SPP2: variants seen among roughly 807,000 people sequenced by gnomAD.
The protein encoded by SPP2 is secreted phosphoprotein 2, also known as secreted phosphoprotein 24.
In SPP2, 34 loss-of-function variants were observed where a neutral mutation model predicts 28.8. That is an observed-to-expected ratio of 1.18 (90% CI 0.90 to 1.57). SPP2 has a LOEUF of 1.57. Ranked by LOEUF, SPP2 falls within the 40% of genes most tolerant of loss-of-function variation. The pLI is 0.00. For missense variants in SPP2, 269 were observed against 263.9 expected, an observed-to-expected ratio of 1.02 and a Z score of -0.13; for synonymous variants, 96 against 89.4, an observed-to-expected ratio of 1.07 and a Z score of -0.42.
chr2:234,068,315 G>A (rs1693867756), intron 6 of SPP2, among the ~76,000 whole-genome samples: 1 of 152,184 alleles, frequency 6.6e-6, no homozygotes, highest in Non-Finnish European at 1.5e-5. Flanking sequence ...TGAGCTAACT[G>A]AGGCTTAGTG....
chr2:234,071,990 G>C (rs1043065427), intron 7 of SPP2, among the ~76,000 whole-genome samples: 1 of 152,214 alleles, frequency 6.6e-6, no homozygotes, highest in African/African-American at 2.4e-5. Context: ...CTGACTAACA[G>C]ACTTCCCAAG....
chr2:234,070,805 A>G (rs375540646), intron 7 of SPP2, among the ~76,000 whole-genome samples: 1 of 152,110 alleles, frequency 6.6e-6, no homozygotes, highest in Non-Finnish European at 1.5e-5. Context: ...TGATCTCCTT[A>G]GTTTAATTCT....
Position 234,067,207 on chromosome 2 carries a change from T to C in SPP2, c.500-17T>C. ...CAGTGAGAGGAGTCTTGTCTTATGA[T>C]TATTACTGTGTTACAGGTCTCATTT... On this transcript the variant is annotated splice_polypyrimidine_tract_variant and intron_variant, in intron 5 of 7. Transcript: ENST00000168148. 6.2e-7 allele frequency: 1 copy of C among 1,611,390 alleles called. No homozygotes were observed. Among genetic ancestry groups the C allele is most frequent in the East Asian group, 2.2e-5 (1 of 44,842 alleles).
chr2:234,073,911 C>G (rs930111024), intron 7 of SPP2, among the ~76,000 whole-genome samples: 1 of 152,186 alleles, frequency 6.6e-6, no homozygotes, highest in Non-Finnish European at 1.5e-5. Context: ...AACAAATGTT[C>G]ATTAAATGCC....
At chr2:234,059,100 G>A in intron 3 of SPP2, 142 bp downstream of exon 3, 2 of 989,326 alleles carry the variant, frequency 2.0e-6, no homozygotes, top group South Asian at 4.4e-5. Flanking sequence ...GTGTCCCCTG[G>A]TGGGGGAAGT....
chr2:234,057,112 C>T (rs550754931), intron 2 of SPP2, among the ~76,000 whole-genome samples: 1 of 152,062 alleles, frequency 6.6e-6, no homozygotes, highest in African/African-American at 2.4e-5. Context: ...GGTACTGGAC[C>T]GTGGCAGGCT....
chr2:234,054,717 C>T lies in SPP2; in HGVS notation c.210+3622C>T, dbSNP rs112840899. On this transcript the variant is annotated intron_variant, in intron 2 of 7. Coordinates refer to ENST00000168148, the MANE Select transcript of SPP2 (RefSeq NM_006944.3). ...CATCAGGGATTAGAGTTTCACTATA[C>T]GGATTGGGGCAGGGGGACAAACAGT... 1.4e-4 allele frequency among the ~76,000 whole-genome samples: 21 copies of T among 152,270 alleles called. No homozygotes were observed. The East Asian group carries it at 1.9e-3, about 14-fold the overall frequency.
At chr2:234,062,669 G>C (rs747050880) in intron 4 of SPP2, among the ~76,000 whole-genome samples, 2 of 152,116 alleles carry the variant, frequency 1.3e-5, no homozygotes, top group African/African-American at 4.8e-5. Flanking sequence ...AGGTGAGAGA[G>C]AATGCTAACT....
intron 2 of SPP2, among the ~76,000 whole-genome samples, chr2:234,058,432 G>A (rs929562060): frequency 7.9e-5 from 12 of 152,110 alleles, no homozygotes; most frequent in African/African-American, 2.4e-4. Flanking sequence ...GATTTTTGTC[G>A]TTCTGCATTT....
chr2:234,073,274 C>G (rs561970176), intron 7 of SPP2, among the ~76,000 whole-genome samples: 2 of 152,284 alleles, frequency 1.3e-5, no homozygotes, highest in South Asian at 4.1e-4. Context: ...TATGTCTATA[C>G]AAAATTATTA....
Position 234,069,983 on chromosome 2 carries a change from C to T in SPP2, c.606C>T (p.His202=), listed in dbSNP as rs1386502226. 1 of 1,613,464 alleles carries T rather than the reference C, an allele frequency of 6.2e-7. No homozygotes were observed. Among genetic ancestry groups the T allele is most frequent in the East Asian group, 2.2e-5 (1 of 44,892 alleles). The change falls in exon 7 of 8, where the codon CAC becomes CAT. Residue 202 remains histidine (H), a synonymous_variant. Transcript: ENST00000168148. ...ACAGAAGGTACCCAAACCACCGGCA[C>T]AGAGCAAGAATAAATACTGACTTTG... is the stretch of plus-strand genomic sequence containing the variant. ...PGNRRYPNHR[H]RARINTDFE is the part of the protein sequence containing the mutation.
chr2:234,058,452 T>A lies in SPP2; in HGVS notation c.211-384T>A, dbSNP rs1054882509. ...TTGTCGTTCTGCATTTGTCCCTAGA[T>A]GATTGCCAAAGTAAGTGTTACTAGT... On this transcript the variant is annotated intron_variant, in intron 2 of 7. Coordinates refer to ENST00000168148, the MANE Select transcript of SPP2 (RefSeq NM_006944.3). Among the ~76,000 whole-genome samples, 4 of 152,222 alleles carry A rather than the reference T, an allele frequency of 2.6e-5. No homozygotes were observed. The East Asian group carries it at 7.7e-4, about 29-fold the overall frequency.
intron 4 of SPP2, among the ~76,000 whole-genome samples, chr2:234,062,417 A>G (rs1559174795): frequency 6.6e-6 from 1 of 152,212 alleles, no homozygotes; most frequent in African/African-American, 2.4e-5. Context: ...ACAGAACTCC[A>G]TTACAACAGG....
intron 2 of SPP2, among the ~76,000 whole-genome samples, chr2:234,051,456 CT>C (rs1236480180): frequency 6.6e-6 from 1 of 152,154 alleles, no homozygotes; most frequent in East Asian, 1.9e-4. Flanking sequence ...AGTTCTGCTC[CT>C]AATACTTACT....
Position 234,064,788 on chromosome 2 carries a change from C to A in SPP2, c.445-1745C>A, listed in dbSNP as rs140126541. Among the ~76,000 whole-genome samples, 538 of 152,328 alleles carry A rather than the reference C, an allele frequency of 3.5e-3. 5 individuals carry two copies. Among genetic ancestry groups the A allele is most frequent in the African/African-American group, 0.013 (520 of 41,578 alleles). On this transcript the variant is annotated intron_variant, in intron 4 of 7. Transcript: ENST00000168148. ...ATGGATTTGTCCATTCTGATCATTT[C>A]ATACAAATGGAATCGTACAGCCTGT...
At chr2:234,066,654 G>T in intron 5 of SPP2, 67 bp downstream of exon 5, 1 of 1,181,302 alleles carries the variant, frequency 8.5e-7, no homozygotes. Context: ...CTCTTTGTTA[G>T]TGAGTCATTT....
At chr2:234,070,593 C>T (rs1690745949) in intron 7 of SPP2, among the ~76,000 whole-genome samples, 1 of 152,158 alleles carries the variant, frequency 6.6e-6, no homozygotes, top group African/African-American at 2.4e-5. Context: ...TCTCTAGTAG[C>T]TGGGATTACA....
intron 6 of SPP2, 119 bp from the exon 7 acceptor site, chr2:234,069,809 C>A: frequency 1.4e-6 from 1 of 734,574 alleles, no homozygotes; most frequent in Admixed American, 2.1e-5. Context: ...ATTCTCATGG[C>A]AGATGGGTTC....
At chr2:234,066,096 C>T (rs1300493830) in intron 4 of SPP2, among the ~76,000 whole-genome samples, 1 of 152,196 alleles carries the variant, frequency 6.6e-6, no homozygotes, top group Admixed American at 6.5e-5. Context: ...CAAGCAACCA[C>T]TTTACTTTGT....
Sources: allele counts gnomAD v4.1 joint callset (sites outside exome capture counted in the v4.1 genomes callset), GRCh38; gene constraint gnomAD v4.1.1; transcripts MANE v1.5; gene names NCBI Gene and HGNC (gene_info 2026-07-23, HGNC 2026-07-21).